NCOA2: variants seen among roughly 807,000 people sequenced by gnomAD.
NCOA2 encodes the protein class E basic helix-loop-helix protein 75.
NCOA2 carries 21 observed loss-of-function variants against 145.1 expected under a neutral mutation model. The observed-to-expected ratio is 0.14, with a 90% confidence interval of 0.10 to 0.21. The LOEUF (loss-of-function observed/expected upper bound fraction) is 0.21, where lower values mean the gene tolerates loss of function less well. Among genes scored for constraint, NCOA2 ranks in the 10% least tolerant of loss-of-function variants. The probability of loss-of-function intolerance (pLI) is 1.00; values close to 1 mark genes in which losing one functional copy is unlikely to be tolerated. For missense variants in NCOA2, 1,472 were observed against 1,837.6 expected (o/e 0.80, Z 3.64); for synonymous variants, 619 against 637.5 (o/e 0.97, Z 0.44).
chr8:70,233,456 C>T (rs1821326085), intron 2 of NCOA2, among the ~76,000 whole-genome samples: 1 of 152,170 alleles, frequency 6.6e-6, no homozygotes, highest in Non-Finnish European at 1.5e-5. Flanking sequence ...TTTTGAGATT[C>T]AAATAAGGGA....
chr8:70,295,219 A>G (rs1180537356), intron 2 of NCOA2, among the ~76,000 whole-genome samples: 1 of 152,240 alleles, frequency 6.6e-6, no homozygotes, highest in Non-Finnish European at 1.5e-5. Context: ...ACACATCAAT[A>G]TATAGGGCAG....
the NCOA2 span, among the ~76,000 whole-genome samples, chr8:70,433,094 A>G: frequency 2.0e-5 from 3 of 152,182 alleles, no homozygotes; most frequent in African/African-American, 7.2e-5. Flanking sequence ...AATTTCCTCA[A>G]TAAGTAAGTC....
At chr8:70,294,697 G>C (rs1192050322) in intron 2 of NCOA2, among the ~76,000 whole-genome samples, 1 of 152,128 alleles carries the variant, frequency 6.6e-6, no homozygotes, top group Non-Finnish European at 1.5e-5. Flanking sequence ...GGGTATTTAG[G>C]CAGAAAATGG....
chr8:70,445,489 T>A, the NCOA2 span, among the ~76,000 whole-genome samples: 1 of 152,208 alleles, frequency 6.6e-6, no homozygotes, highest in African/African-American at 2.4e-5. Flanking sequence ...GAGGAGCTGA[T>A]CTCACTGAGA....
chr8:70,408,163 T>G (rs985872253), upstream of NCOA2, among the ~76,000 whole-genome samples: 1 of 152,190 alleles, frequency 6.6e-6, no homozygotes, highest in Non-Finnish European at 1.5e-5. Context: ...TGGGTGAACT[T>G]GGGCAAGTTA....
chr8:70,160,690 AGAG>A (rs1563547302), intron 9 of NCOA2, among the ~76,000 whole-genome samples: 1,604 of 148,550 alleles, frequency 0.011, 43 homozygotes, highest in African/African-American at 0.039. Flanking sequence ...AGGGAGAGAG[AGAG>A]AGAGAGAGAC....
chr8:70,222,694 G>C (rs1820259269), intron 2 of NCOA2, among the ~76,000 whole-genome samples: 1 of 152,180 alleles, frequency 6.6e-6, no homozygotes, highest in Non-Finnish European at 1.5e-5. Flanking sequence ...AACACATGCT[G>C]CAATAATCAA....
intron 22 of NCOA2, among the ~76,000 whole-genome samples, chr8:70,118,401 A>T (rs947018874): frequency 6.6e-6 from 1 of 152,086 alleles, no homozygotes; most frequent in African/African-American, 2.4e-5. Flanking sequence ...TACTCAGTGG[A>T]GGAGAGAACA....
intron 21 of NCOA2, among the ~76,000 whole-genome samples, 170 bp from the exon 22 acceptor site, chr8:70,121,561 C>A (rs78696250): frequency 0.015 from 2,259 of 152,272 alleles, 63 homozygotes; most frequent in African/African-American, 0.053. Context: ...ACGTATTTTG[C>A]GGAGTCTAGA....
chr8:70,123,086 G>A (rs1807999583), intron 21 of NCOA2, among the ~76,000 whole-genome samples: 1 of 152,070 alleles, frequency 6.6e-6, no homozygotes, highest in Admixed American at 6.6e-5. Flanking sequence ...ACAGATTTTT[G>A]GATTCCAGGC....
intron 1 of NCOA2, among the ~76,000 whole-genome samples, chr8:70,311,916 T>C (rs1342944553): frequency 1.3e-5 from 2 of 152,220 alleles, no homozygotes; most frequent in African/African-American, 4.8e-5. Flanking sequence ...AATTATTTCC[T>C]TAATCTTGCA....
chr8:70,394,104 G>C (rs1202520305), intron 1 of NCOA2, among the ~76,000 whole-genome samples: 1 of 152,228 alleles, frequency 6.6e-6, no homozygotes, highest in Non-Finnish European at 1.5e-5. Flanking sequence ...TAGGTTTCAT[G>C]ACGTACTGCC....
At chr8:70,337,780 G>T (rs1168886834) in intron 1 of NCOA2, among the ~76,000 whole-genome samples, 1 of 152,110 alleles carries the variant, frequency 6.6e-6, no homozygotes, top group African/African-American at 2.4e-5. Context: ...TAGAACTCAA[G>T]ATTAAGAAAT....
intron 1 of NCOA2, 113 bp downstream of exon 1, chr8:70,403,587 T>A (rs1814592850): frequency 6.3e-6 from 2 of 315,952 alleles, no homozygotes; most frequent in East Asian, 9.5e-5. Context: ...CGCACGGCTC[T>A]GTCGGAGCTC....
intron 1 of NCOA2, among the ~76,000 whole-genome samples, chr8:70,314,210 C>CAAAAAAAAAAAAAAAAAAAAAA (rs1805390436): frequency 1.2e-5 from 1 of 80,798 alleles, no homozygotes; most frequent in African/African-American, 4.9e-5. Context: ...AAAAAAAAAG[C>CAAAAAAAAAAAAAAAAAAAAAA]AACTGTCATG....
intron 1 of NCOA2, among the ~76,000 whole-genome samples, chr8:70,376,177 C>T (rs1420226237): frequency 6.6e-6 from 1 of 152,096 alleles, no homozygotes; most frequent in African/African-American, 2.4e-5. Context: ...ATACAAAATG[C>T]AGTGGCAATT....
chr8:70,148,278 T>C lies in NCOA2; in HGVS notation c.2600A>G (p.Gln867Arg). 6.2e-7 allele frequency: 1 copy of C among 1,613,696 alleles called. No individual in the cohort carries two copies. The highest frequency in any genetic ancestry group is 8.5e-7 in the Non-Finnish European group (1 of 1,179,604). Residue 867 changes from glutamine to arginine, a missense_variant, in exon 12 of 23, where the codon CAG becomes CGG. Coordinates refer to ENST00000452400, the MANE Select transcript of NCOA2 (RefSeq NM_006540.4). ...GAQKTALRIS[Q>R]STFNNPRPGQ... The stretch of plus-strand genomic sequence containing the variant: ...CAGCCATTTCTCATACTCACTGCTC[T>C]GTGAAATTCGCAGTGCTGTTTTCTG...
At chr8:70,142,261 A>T (rs914850739) in intron 13 of NCOA2, among the ~76,000 whole-genome samples, 4 of 152,242 alleles carry the variant, frequency 2.6e-5, no homozygotes, top group Non-Finnish European at 5.9e-5. Flanking sequence ...TTTCAAATAT[A>T]TGGCTGCTTT....
At chr8:70,391,830 G>A (rs1391473440) in intron 1 of NCOA2, among the ~76,000 whole-genome samples, 1 of 152,196 alleles carries the variant, frequency 6.6e-6, no homozygotes, top group Admixed American at 6.5e-5. Context: ...TTTGGGGACA[G>A]CTTGAAAAAC....
Sources: gnomAD v4.1 joint callset for allele counts (sites outside exome capture counted in the v4.1 genomes callset) on GRCh38, gnomAD v4.1.1 for gene constraint, MANE v1.5 for transcripts, NCBI Gene and HGNC (gene_info 2026-07-23, HGNC 2026-07-21) for gene names.